INSRR: variants seen among roughly 807,000 people sequenced by gnomAD.
INSRR encodes insulin receptor-related protein.
INSRR carries 114 observed loss-of-function variants against 130.0 expected under a neutral mutation model. The observed-to-expected ratio is 0.88, with a 90% CI of 0.75 to 1.02. The LOEUF (loss-of-function observed/expected upper bound fraction) is 1.02, where lower values mean the gene tolerates loss of function less well. INSRR is among the 50% of genes least tolerant of loss of function. The pLI is 0.00. For synonymous variants in INSRR, 674 were observed against 705.2 expected (o/e 0.96, Z 0.70); for missense variants, 1,657 against 1,735.2 (o/e 0.95, Z 0.80).
In INSRR at chr1:156,844,797, G is replaced by C. The variant is rs1202596568; in HGVS notation, c.2484C>G (p.Ser828Arg). 6.2e-7 allele frequency: 1 copy of C among 1,614,146 alleles called. No homozygotes were observed. Among genetic ancestry groups the C allele is most frequent in the African/African-American group, 1.3e-5 (1 of 75,036 alleles). Residue 828 changes from serine to arginine, a missense_variant, in exon 13 of 22, where the codon AGC (serine) becomes AGG (arginine). By Grantham distance (110) the Ser-to-Arg change is moderately radical. Coordinates refer to ENST00000368195, the MANE Select transcript of INSRR (RefSeq NM_014215.3). ...GCCAGCGCAGAAGGACACTGTTCTTGCTGGAGGCCTCCCAGGCCACCTTTC... is the reference window on the plus strand; with the variant it reads ...GCCAGCGCAGAAGGACACTGTTCTTCCTGGAGGCCTCCCAGGCCACCTTTC... ...IPGKVAWEASSKNSVLLRWLE... is the reference protein window; with the variant it reads ...IPGKVAWEASRKNSVLLRWLE...
rs760632037 is a variant in INSRR, at chr1:156,846,728, C to T, written c.1601G>A (p.Gly534Asp). The T allele has an allele frequency of 2.5e-6, 4 of 1,614,070 alleles. No individual in the cohort carries two copies. Among genetic ancestry groups the T allele is most frequent in the Admixed American group, 1.7e-5 (1 of 60,018 alleles). ...SPFQNATEHV[G>D]PDACGTQSWN... ...GCTCTGGGTTCCACAAGCATCTGGA[C>T]CCACGTGCTCTGTGGCGTTCTGGAA... Residue 534 changes from glycine (G) to aspartate (D), a missense_variant, in exon 8 of 22, where the codon GGT (glycine) becomes GAT (aspartate). Physicochemically the swap from Gly to Asp is moderately conservative, Grantham distance 94. Transcript: ENST00000368195.
In INSRR at chr1:156,849,488, G is replaced by A. The variant is rs372762384; in HGVS notation, c.1230-28C>T. ...GGGGGAGGCCAGGGGACCTTGCTCT[G>A]CGGGGAGGTGGGGGCAGGGGGTGGG... On this transcript the variant is annotated intron_variant, in intron 5 of 21. Transcript: ENST00000368195. 12 of 1,480,150 alleles carry A rather than the reference G, an allele frequency of 8.1e-6. No homozygotes were observed. In the African/African-American group the frequency reaches 1.1e-4, roughly 14 times the overall value. 91.7% of individuals were successfully genotyped at this position (1,480,150 alleles called of 1,614,324 possible).
Position 156,859,020 on chromosome 1 carries a change from C to A in INSRR, c.-399G>T, listed in dbSNP as rs1280148888. 5.3e-6 allele frequency: 1 copy of A among 189,536 alleles called. No homozygotes were observed. Among genetic ancestry groups the A allele is most frequent in the Admixed American group, 5.3e-5 (1 of 18,712 alleles). 11.7% of individuals were successfully genotyped at this position (189,536 alleles called of 1,614,324 possible). A position where few individuals can be genotyped will look rare whatever the true frequency, so the allele number is the denominator to read the frequency against. ...CGCTCCCAAGGAGGGCAGCGGGGGT[C>A]CCGGGGCGCGTGGGACTCCGCAGGG... On this transcript the variant is annotated 5_prime_UTR_variant, in exon 1 of 22. Coordinates refer to ENST00000368195, the MANE Select transcript of INSRR (RefSeq NM_014215.3). The surrounding 1 kb of genome is among the most constrained non-coding windows in gnomAD (Gnocchi z 6.2).
In INSRR at chr1:156,854,832, G is replaced by A. The variant is rs1655351215; in HGVS notation, c.86-529C>T. ...CCATTCTCCACTCTGCAGCCAGAGT[G>A]ATCTCAAAACACAGATGGATCACGT... On this transcript the variant is annotated intron_variant, in intron 1 of 21. Coordinates refer to ENST00000368195, the MANE Select transcript of INSRR (RefSeq NM_014215.3). The surrounding 1 kb of genome is among the most constrained non-coding windows in gnomAD (Gnocchi z 4.2). Among the ~76,000 whole-genome samples, 1 of 152,056 alleles carries A rather than the reference G, an allele frequency of 6.6e-6. No individual in the cohort carries two copies. Among genetic ancestry groups the A allele is most frequent in the African/African-American group, 2.4e-5 (1 of 41,390 alleles).
At chr1:156,841,556 C>G (rs1383125352) in intron 20 of INSRR, 28 bp from the exon 21 acceptor site, 1 of 1,613,940 alleles carries the variant, frequency 6.2e-7, no homozygotes, top group Non-Finnish European at 8.5e-7. Flanking sequence ...CTCCTGAGCC[C>G]AGCACCCTTC....
rs201179362 is a variant in INSRR, at chr1:156,849,302, C to A, written c.1388G>T (p.Arg463Leu). ...IYRLEEVTGT[R>L]GRQNKAEINP... ...GATCTCAGCCTTGTTCTGCCGACCT[C>A]GCGTGCCTGTCACCTCCTCCAGTCG... The change falls in exon 6 of 22, where the codon CGA becomes CTA. Residue 463 changes from arginine (R) to leucine (L), a missense_variant. Transcript: ENST00000368195. 136 of 1,613,830 alleles carry A rather than the reference C, an allele frequency of 8.4e-5. No individual in the cohort carries two copies. The highest frequency in any genetic ancestry group is 1.1e-4 in the Non-Finnish European group (132 of 1,180,020).
Position 156,846,705 on chromosome 1 carries a change from T to C in INSRR, c.1624A>G (p.Ser542Gly), listed in dbSNP as rs1472211778. The C allele has an allele frequency of 1.2e-6, 2 of 1,614,110 alleles. No homozygotes were observed. Among genetic ancestry groups the C allele is most frequent in the Admixed American group, 1.7e-5 (1 of 60,016 alleles). Reference protein sequence around the residue: ...HVGPDACGTQSWNLLDVELPL... With the variant: ...HVGPDACGTQGWNLLDVELPL... ...AGCTCCACATCCAGCAGGTTCCAGC[T>C]CTGGGTTCCACAAGCATCTGGACCC... is the stretch of plus-strand genomic sequence containing the variant. Residue 542 changes from serine (S) to glycine (G), a missense_variant, in exon 8 of 22, where the codon AGC (serine) becomes GGC (glycine). Transcript: ENST00000368195.
At position 156,846,647 on chromosome 1, in the gene INSRR, G is replaced by T; in HGVS notation, c.1682C>A (p.Thr561Asn). The change falls in exon 8 of 22, where the codon ACC becomes AAC. Residue 561 changes from threonine (T) to asparagine (N), a missense_variant. Physicochemically the swap from Thr to Asn is moderately conservative, Grantham distance 65. Transcript: ENST00000368195. ...TGTCCAAGGCTTGAGGGAGGCTAGG[G>T]TCACCCCTGGCTCCTGGGTGCGGCT... ...PLSRTQEPGV[T>N]LASLKPWTQY... 1 of 1,613,916 alleles carries T rather than the reference G, an allele frequency of 6.2e-7. No homozygotes were observed. The highest frequency in any genetic ancestry group is 8.5e-7 in the Non-Finnish European group (1 of 1,179,942).
intron 17 of INSRR, 139 bp downstream of exon 17, chr1:156,842,865 C>A (rs1238342069): frequency 2.8e-6 from 2 of 704,860 alleles, no homozygotes; most frequent in Non-Finnish European, 4.8e-6. Flanking sequence ...TAACCATGAC[C>A]TTTACCCCAA....
intron 16 of INSRR, 55 bp downstream of exon 16, chr1:156,843,372 G>T: frequency 6.3e-7 from 1 of 1,590,608 alleles, no homozygotes; most frequent in Non-Finnish European, 8.6e-7. Context: ...GTCTGTCTCT[G>T]CTCCTCTCCT....
At chr1:156,845,541 A>ACCCCCC in intron 10 of INSRR, 78 bp downstream of exon 10, 4 of 1,288,358 alleles carry the variant, frequency 3.1e-6, no homozygotes, top group Non-Finnish European at 4.2e-6. Flanking sequence ...CCACCCACAA[A>ACCCCCC]CCCCACCCCT....
At chr1:156,841,324 A>G in intron 21 of INSRR, 70 bp downstream of exon 21, 1 of 1,417,508 alleles carries the variant, frequency 7.1e-7, no homozygotes, top group East Asian at 2.4e-5. Context: ...GTGAGCCAGA[A>G]TCATGGGGCC....
rs777435516 is a variant in INSRR, at chr1:156,853,959, T to C, written c.430A>G (p.Asn144Asp). Residue 144 changes from asparagine to aspartate, a missense_variant, in exon 2 of 22, where the codon AAC becomes GAC. Asn to Asp is a conservative substitution (Grantham distance 23). Coordinates refer to ENST00000368195, the MANE Select transcript of INSRR (RefSeq NM_014215.3). ...GTGGAGAGGTGGCAGAGCTCCTGGT[T>C]CTTCTCCACACGCACAGCCCCACGC... ...VLRGAVRVEK[N>D]QELCHLSTID... 14 of 1,613,216 alleles carry C rather than the reference T, an allele frequency of 8.7e-6. No homozygotes were observed. Among genetic ancestry groups the C allele is most frequent in the Non-Finnish European group, 1.1e-5 (13 of 1,179,306 alleles).
Position 156,849,191 on chromosome 1 carries a change from T to C in INSRR, c.1444+55A>G, listed in dbSNP as rs192270712. ...CCTCGAGCTTTCTCCCTCCCCCGGGTGTGCGTGTCTAGTGTGTGGCCGCGT... is the reference window on the plus strand; with the variant it reads ...CCTCGAGCTTTCTCCCTCCCCCGGGCGTGCGTGTCTAGTGTGTGGCCGCGT... On this transcript the variant is annotated intron_variant, in intron 6 of 21. Coordinates refer to ENST00000368195, the MANE Select transcript of INSRR (RefSeq NM_014215.3). 1.0e-3 allele frequency: 1,631 copies of C among 1,603,912 alleles called. 16 individuals are homozygous for C. In the African/African-American group the frequency reaches 0.019, roughly 19 times the overall value.
chr1:156,854,874 A>G lies in INSRR; in HGVS notation c.86-571T>C, dbSNP rs1571674187. Among the ~76,000 whole-genome samples the G allele has an allele frequency of 6.6e-6, 1 of 151,224 alleles. No homozygotes were observed. Among genetic ancestry groups the G allele is most frequent in the African/African-American group, 2.4e-5 (1 of 41,044 alleles). On this transcript the variant is annotated intron_variant, in intron 1 of 21. Transcript: ENST00000368195. The surrounding 1 kb of genome is among the most constrained non-coding windows in gnomAD (Gnocchi z 4.2). ...GGATCACGTTTCTCCTCTGCTTATA[A>G]CCCCCCGTGACTTCCATCTCTCTTG... is the stretch of plus-strand genomic sequence containing the variant.
rs568229919 is a variant in INSRR at position 156,855,441 on chromosome 1, T to C, written c.86-1138A>G. Among the ~76,000 whole-genome samples, 3 of 152,228 alleles carry C rather than the reference T, an allele frequency of 2.0e-5. No homozygotes were observed. In the South Asian group the frequency reaches 6.2e-4, roughly 32 times the overall value. On this transcript the variant is annotated intron_variant, in intron 1 of 21. Coordinates refer to ENST00000368195, the MANE Select transcript of INSRR (RefSeq NM_014215.3). ...GCTGGTCTCCAACTCCTGACCTCAATTGATCCACCCACCTTGGCCTCCCAA... is the reference window on the plus strand; with the variant it reads ...GCTGGTCTCCAACTCCTGACCTCAACTGATCCACCCACCTTGGCCTCCCAA...
chr1:156,851,637 G>T lies in INSRR; in HGVS notation c.1084+9C>A. The T allele has an allele frequency of 6.2e-7, 1 of 1,614,164 alleles. No homozygotes were observed. Among genetic ancestry groups the T allele is most frequent in the Non-Finnish European group, 8.5e-7 (1 of 1,180,002 alleles). On this transcript the variant is annotated intron_variant, in intron 4 of 21. Coordinates refer to ENST00000368195, the MANE Select transcript of INSRR (RefSeq NM_014215.3). ...GGAGGAGGGGTGTGGCCCCAAAGTA[G>T]GTACTGACAGCCCTGGCGAAGGTTG...
At position 156,842,212 on chromosome 1, in the gene INSRR, A is replaced by G; in HGVS notation, c.3297T>C (p.Ile1099=). The change falls in exon 19 of 22, where the codon ATT becomes ATC. Residue 1099 remains isoleucine, a synonymous_variant. Transcript: ENST00000368195. ...LGEMIQMAGE[I]ADGMAYLAAN... ...CAGCAAGGTAGGCCATGCCGTCTGC[A>G]ATCTCACCAGCCATTTGGATCATTT... The G allele has an allele frequency of 6.2e-7, 1 of 1,614,022 alleles. No homozygotes were observed. The highest frequency in any genetic ancestry group is 8.5e-7 in the Non-Finnish European group (1 of 1,179,998).
At chr1:156,850,167 G>T (rs953334970) in intron 5 of INSRR, among the ~76,000 whole-genome samples, 4 of 152,052 alleles carry the variant, frequency 2.6e-5, no homozygotes, top group African/African-American at 9.7e-5. Flanking sequence ...TTGCCAAAGT[G>T]CTAGGATTAC....
Sources: gnomAD v4.1 joint callset for allele counts (sites outside exome capture counted in the v4.1 genomes callset) on GRCh38, gnomAD v4.1.1 for gene constraint, Gnocchi (gnomAD v3.1) non-coding constraint, MANE v1.5 for transcripts, NCBI Gene and HGNC (gene_info 2026-07-23, HGNC 2026-07-21) for gene names.